BNC2: variants seen among roughly 807,000 people sequenced by gnomAD.
BNC2 encodes the protein zinc finger protein basonuclin-2.
Under a neutral mutation model 76.3 loss-of-function variants are expected in BNC2, and 20 were observed. That is an observed-to-expected ratio of 0.26 (90% CI 0.18 to 0.38). The LOEUF is 0.38. BNC2 is among the 10% of genes least tolerant of loss of function. The pLI is 1.00. For synonymous variants in BNC2, 582 were observed against 514.8 expected (o/e 1.13, Z -1.77); for missense variants, 1,382 against 1,399.8 (o/e 0.99, Z 0.20).
chr9:16,537,264 T>C (rs1406346861), intron 5 of BNC2, among the ~76,000 whole-genome samples: 1 of 152,168 alleles, frequency 6.6e-6, no homozygotes, highest in East Asian at 1.9e-4. Flanking sequence ...ATGTACACTG[T>C]AAAAGTCTGG....
chr9:16,837,527 A>G (rs1016082736), intron 1 of BNC2, among the ~76,000 whole-genome samples: 1 of 152,150 alleles, frequency 6.6e-6, no homozygotes, highest in Non-Finnish European at 1.5e-5. Flanking sequence ...AAAGAAAACC[A>G]TAATTCTACC....
chr9:16,801,513 G>C (rs1364455252), intron 1 of BNC2, among the ~76,000 whole-genome samples: 1 of 151,914 alleles, frequency 6.6e-6, no homozygotes, highest in Non-Finnish European at 1.5e-5. Flanking sequence ...TGGGATTACA[G>C]GCGTGAGCCA....
At chr9:16,808,943 C>T (rs1329680303) in intron 1 of BNC2, among the ~76,000 whole-genome samples, 3 of 152,010 alleles carry the variant, frequency 2.0e-5, no homozygotes. Flanking sequence ...TGGCTGTCCC[C>T]TAAAGAAGAG....
intron 4 of BNC2, among the ~76,000 whole-genome samples, chr9:16,554,124 G>T (rs1818748788): frequency 6.6e-6 from 1 of 152,126 alleles, no homozygotes; most frequent in Non-Finnish European, 1.5e-5. Flanking sequence ...CTACAGTGTG[G>T]CCTTTCTCAG....
At chr9:16,708,394 A>T (rs1263223191) in intron 3 of BNC2, among the ~76,000 whole-genome samples, 1 of 152,178 alleles carries the variant, frequency 6.6e-6, no homozygotes, top group Non-Finnish European at 1.5e-5. Flanking sequence ...GGCATACGTT[A>T]ATTTATTCTG....
chr9:16,772,772 C>A (rs887000456), intron 1 of BNC2, among the ~76,000 whole-genome samples: 3 of 152,168 alleles, frequency 2.0e-5, no homozygotes, highest in Non-Finnish European at 2.9e-5. Flanking sequence ...TGCACTAGTG[C>A]ACATAAACAG....
At chr9:16,757,022 G>C (rs552288232) in intron 1 of BNC2, among the ~76,000 whole-genome samples, 2 of 150,416 alleles carry the variant, frequency 1.3e-5, no homozygotes, top group African/African-American at 2.4e-5. Context: ...GACCCAAGAA[G>C]GTAACTACCT....
intron 4 of BNC2, 91 bp downstream of exon 4, chr9:16,582,892 G>GACACACACACACACAC (rs149223772): frequency 5.1e-5 from 32 of 626,976 alleles, no homozygotes; most frequent in East Asian, 2.7e-4. Context: ...CCTCTAAACA[G>GACACACACACACACAC]ACACACACAC....
intron 3 of BNC2, among the ~76,000 whole-genome samples, chr9:16,607,557 A>G (rs1820420823): frequency 6.6e-6 from 1 of 152,228 alleles, no homozygotes; most frequent in African/African-American, 2.4e-5. Context: ...AAATTTTCAA[A>G]GCAAAAAAAG....
intron 3 of BNC2, among the ~76,000 whole-genome samples, chr9:16,644,404 A>C (rs1821569212): frequency 1.3e-5 from 2 of 152,198 alleles, no homozygotes; most frequent in African/African-American, 4.8e-5. Flanking sequence ...TTGAGCATTG[A>C]AAATAAACTT....
chr9:16,576,194 T>C (rs1283192415), intron 4 of BNC2, among the ~76,000 whole-genome samples: 2 of 152,242 alleles, frequency 1.3e-5, no homozygotes, highest in African/African-American at 4.8e-5. Context: ...GTTGTTTTCG[T>C]TGGGATAGTC....
chr9:16,616,781 G>GGA (rs1820711071), intron 3 of BNC2, among the ~76,000 whole-genome samples: 3 of 52,774 alleles, frequency 5.7e-5, no homozygotes, highest in Admixed American at 2.9e-4. Flanking sequence ...GAGGGGAGGG[G>GGA]AGGAAGGAGG....
At chr9:16,538,933 C>T (rs1024588377) in intron 5 of BNC2, among the ~76,000 whole-genome samples, 22 of 151,972 alleles carry the variant, frequency 1.4e-4, no homozygotes, top group Non-Finnish European at 1.3e-4. Flanking sequence ...GAAAACATAC[C>T]CAGTGATCTC....
chr9:16,755,505 C>T (rs1226085228), intron 1 of BNC2, among the ~76,000 whole-genome samples: 1 of 152,148 alleles, frequency 6.6e-6, no homozygotes, highest in Non-Finnish European at 1.5e-5. Flanking sequence ...ACTATGCTAA[C>T]TATGCAATTA....
chr9:16,851,336 T>C (rs1004789876), intron 1 of BNC2, among the ~76,000 whole-genome samples: 1 of 149,638 alleles, frequency 6.7e-6, no homozygotes, highest in Non-Finnish European at 1.5e-5. Flanking sequence ...AGTGAGACCT[T>C]GTCTCTACAA....
At chr9:16,617,359 T>C (rs1464145335) in intron 3 of BNC2, among the ~76,000 whole-genome samples, 3 of 152,100 alleles carry the variant, frequency 2.0e-5, no homozygotes, top group African/African-American at 7.2e-5. Context: ...AAATTATACC[T>C]GATAAAGAAT....
In BNC2 at chr9:16,436,027, C is replaced by A; in HGVS notation, c.2167G>T (p.Glu723Ter). 6.2e-7 allele frequency: 1 copy of A among 1,614,190 alleles called. No individual in the cohort carries two copies. The highest frequency in any genetic ancestry group is 2.2e-5 in the East Asian group (1 of 44,854). The change falls in exon 6 of 7, where the codon GAG becomes TAG. Residue 723 changes from glutamate (E) to a stop codon, truncating the protein, a stop_gained. Coordinates refer to ENST00000380672, the MANE Select transcript of BNC2 (RefSeq NM_017637.6). LOFTEE classifies it high-confidence loss of function. ...SEDQEPERDY[E>*]NESESSEPKL... ...GGCTCCGAAGACTCAGACTCGTTCT[C>A]ATAGTCCCGCTCAGGTTCTTGGTCT...
At chr9:16,443,445 A>G (rs1821169964) in intron 5 of BNC2, among the ~76,000 whole-genome samples, 1 of 152,190 alleles carries the variant, frequency 6.6e-6, no homozygotes, top group Admixed American at 6.5e-5. Flanking sequence ...TCAAAGCAAG[A>G]GAAACAGATT....
chr9:16,521,784 A>G (rs758621506), intron 5 of BNC2, among the ~76,000 whole-genome samples: 1 of 152,214 alleles, frequency 6.6e-6, no homozygotes, highest in Non-Finnish European at 1.5e-5. Context: ...ATTTTACCTT[A>G]AATGGAGCAG....
Sources: gnomAD v4.1 joint callset for allele counts (sites outside exome capture counted in the v4.1 genomes callset) on GRCh38, gnomAD v4.1.1 for gene constraint, MANE v1.5 for transcripts, NCBI Gene and HGNC (gene_info 2026-07-23, HGNC 2026-07-21) for gene names.